Variants in MTUS2 observed in about 807,000 individuals in gnomAD.
MTUS2 encodes microtubule associated scaffold protein 2.
Under a neutral mutation model 114.1 loss-of-function variants are expected in MTUS2, and 40 were observed. That is an observed-to-expected ratio of 0.35 (90% CI 0.27 to 0.46). MTUS2 has a LOEUF of 0.46. Ranked by LOEUF, MTUS2 falls within the 20% of genes least tolerant of loss-of-function variation. The pLI is 1.00. For missense variants in MTUS2, 1,679 were observed against 1,705.4 expected (o/e 0.98, Z 0.27); for synonymous variants, 688 against 672.0 (o/e 1.02, Z -0.37).
intron 6 of MTUS2, among the ~76,000 whole-genome samples, chr13:29,292,648 A>G (rs1898765827): frequency 6.6e-6 from 1 of 152,246 alleles, no homozygotes; most frequent in South Asian, 2.1e-4. Flanking sequence ...TAAATTAAAT[A>G]TAGTAAGTTT....
At chr13:29,459,656 A>C (rs555851751) in intron 9 of MTUS2, among the ~76,000 whole-genome samples, 3 of 152,318 alleles carry the variant, frequency 2.0e-5, no homozygotes, top group Admixed American at 6.5e-5. Flanking sequence ...AGGGAAATTT[A>C]CTTTTTATTG....
chr13:29,365,411 A>ACCTT, intron 8 of MTUS2, among the ~76,000 whole-genome samples: 1 of 152,144 alleles, frequency 6.6e-6, no homozygotes, highest in Non-Finnish European at 1.5e-5. Flanking sequence ...AATAAGGTGC[A>ACCTT]ATAAGATGAG....
chr13:29,307,543 G>A, intron 6 of MTUS2: 2 of 1,252,048 alleles, frequency 1.6e-6, no homozygotes, highest in Non-Finnish European at 2.3e-6. Flanking sequence ...TGCCAAATAT[G>A]ATGACATCAA....
rs1318545350 is a variant in MTUS2 at position 28,820,357 on chromosome 13, C to G, written c.-570C>G. On this transcript the variant is annotated 5_prime_UTR_variant, in exon 1 of 16. Transcript: ENST00000612955. Reference sequence around the variant, plus strand: ...GGCGGGCAGAGGTGATAGCGAGCGCCGGCGGCTCCAGGTGCGGGGGCGCCC... The same window carrying G: ...GGCGGGCAGAGGTGATAGCGAGCGCGGGCGGCTCCAGGTGCGGGGGCGCCC... 1 of 151,000 alleles carries G rather than the reference C, an allele frequency of 6.6e-6. No individual in the cohort carries two copies. The highest frequency in any genetic ancestry group is 1.5e-5 in the Non-Finnish European group (1 of 67,710). 9.4% of individuals were successfully genotyped at this position (151,000 alleles called of 1,614,324 possible).
intron 4 of MTUS2, among the ~76,000 whole-genome samples, chr13:29,039,439 C>T (rs1887244805): frequency 6.6e-6 from 1 of 152,196 alleles, no homozygotes; most frequent in Non-Finnish European, 1.5e-5. Flanking sequence ...TAGGCCGGCG[C>T]GTCACGGAAT....
intron 5 of MTUS2, among the ~76,000 whole-genome samples, chr13:29,160,754 A>G (rs1331130929): frequency 6.7e-6 from 1 of 149,206 alleles, no homozygotes; most frequent in South Asian, 2.2e-4. Flanking sequence ...TGGGTGACAG[A>G]GCGAGACTCC....
chr13:29,360,215 T>C (rs937591509), intron 8 of MTUS2, among the ~76,000 whole-genome samples: 3 of 152,190 alleles, frequency 2.0e-5, no homozygotes, highest in African/African-American at 7.2e-5. Context: ...TGCACATTTT[T>C]GAGATGCACA....
At chr13:29,039,721 C>T (rs191919191) in intron 4 of MTUS2, among the ~76,000 whole-genome samples, 186 of 152,322 alleles carry the variant, frequency 1.2e-3, no homozygotes, top group African/African-American at 4.3e-3. Flanking sequence ...CTTGGATACT[C>T]TTTCAAGGAA....
chr13:28,952,994 A>G (rs1407376160), intron 2 of MTUS2, among the ~76,000 whole-genome samples: 1 of 152,180 alleles, frequency 6.6e-6, no homozygotes, highest in Non-Finnish European at 1.5e-5. Flanking sequence ...TGCTTCTAAA[A>G]TTTTTTTAAC....
intron 2 of MTUS2, among the ~76,000 whole-genome samples, chr13:28,885,402 A>G (rs1236056502): frequency 6.6e-6 from 1 of 152,200 alleles, no homozygotes; most frequent in African/African-American, 2.4e-5. Context: ...TTCTGCAACT[A>G]CTGTTGTACT....
chr13:29,319,508 A>G (rs1366653465), intron 6 of MTUS2, among the ~76,000 whole-genome samples: 2 of 152,164 alleles, frequency 1.3e-5, no homozygotes, highest in Non-Finnish European at 2.9e-5. Context: ...TGTCTAGTAA[A>G]TCCAGCAAAA....
rs150495969 is a variant in MTUS2 at position 29,268,427 on chromosome 13, A to G, written c.2645-13277A>G. ...CTCCCGTTTTACTCTGTGTGTGTGA[A>G]AGTCGAGTCTTCACGATGCTCCCGA... is the stretch of plus-strand genomic sequence containing the variant. On this transcript the variant is annotated intron_variant, in intron 5 of 15. Coordinates refer to ENST00000612955, the MANE Select transcript of MTUS2 (RefSeq NM_001033602.4). Among the ~76,000 whole-genome samples, 238 of 152,150 alleles carry G rather than the reference A, an allele frequency of 1.6e-3. 1 individual carries two copies. The highest frequency in any genetic ancestry group is 5.4e-3 in the African/African-American group (225 of 41,490).
At chr13:29,169,990 T>C (rs938517811) in intron 5 of MTUS2, among the ~76,000 whole-genome samples, 3 of 152,220 alleles carry the variant, frequency 2.0e-5, no homozygotes, top group Non-Finnish European at 4.4e-5. Context: ...AAATGGTTGT[T>C]TGCTAATGTT....
At chr13:29,336,615 G>A (rs1024397593) in intron 7 of MTUS2, among the ~76,000 whole-genome samples, 13 of 152,210 alleles carry the variant, frequency 8.5e-5, no homozygotes, top group African/African-American at 3.1e-4. Context: ...CAGGAGGCAT[G>A]GGGGTCAGGG....
chr13:29,448,098 G>T (rs186251505), intron 9 of MTUS2, among the ~76,000 whole-genome samples: 1 of 152,124 alleles, frequency 6.6e-6, no homozygotes, highest in Non-Finnish European at 1.5e-5. Context: ...GCCAAGCTGA[G>T]AGAGAAAATG....
chr13:28,933,215 G>C (rs1207972999), intron 2 of MTUS2, among the ~76,000 whole-genome samples: 1 of 152,036 alleles, frequency 6.6e-6, no homozygotes, highest in Non-Finnish European at 1.5e-5. Context: ...CCACATGATT[G>C]TGAGGGCTGG....
intron 8 of MTUS2, among the ~76,000 whole-genome samples, chr13:29,387,709 C>A (rs993569258): frequency 1.3e-5 from 2 of 152,114 alleles, no homozygotes; most frequent in African/African-American, 4.8e-5. Flanking sequence ...AACCAGTAGG[C>A]CTTGGTGAAA....
At chr13:29,227,851 G>A (rs1896172352) in intron 5 of MTUS2, among the ~76,000 whole-genome samples, 1 of 152,148 alleles carries the variant, frequency 6.6e-6, no homozygotes, top group African/African-American at 2.4e-5. Flanking sequence ...AGAATATTAA[G>A]GTGTGGATGG....
intron 2 of MTUS2, among the ~76,000 whole-genome samples, chr13:28,844,965 T>A (rs1023943757): frequency 7.2e-5 from 11 of 152,130 alleles, no homozygotes; most frequent in African/African-American, 2.4e-4. Flanking sequence ...TTAATTAATT[T>A]ATTTTTTAGA....
Sources: gnomAD v4.1 joint callset for allele counts (sites outside exome capture counted in the v4.1 genomes callset) on GRCh38, gnomAD v4.1.1 for gene constraint, MANE v1.5 for transcripts, NCBI Gene and HGNC (gene_info 2026-07-23, HGNC 2026-07-21) for gene names.